The following CSMD1 variants were observed in gnomAD, a reference collection of about 807,000 sequenced individuals.
The protein encoded by CSMD1 is CUB and sushi domain-containing protein 1.
Under a neutral mutation model 417.5 loss-of-function variants are expected in CSMD1, and 213 were observed. The observed-to-expected ratio is 0.51, with a 90% CI of 0.46 to 0.57. CSMD1 has a LOEUF of 0.57. Among genes scored for constraint, CSMD1 ranks in the 20% least tolerant of loss-of-function variants. The pLI, the probability that CSMD1 is intolerant of heterozygous loss-of-function variation, is 0.00. For synonymous variants in CSMD1, 2,862 were observed against 1,736.8 expected, an observed-to-expected ratio of 1.65 and a Z score of -16.11; for missense variants, 6,923 against 4,529.7, an observed-to-expected ratio of 1.53 and a Z score of -15.17.
At chr8:3,728,790 T>C (rs1048651446) in intron 6 of CSMD1, among the ~76,000 whole-genome samples, 1 of 152,220 alleles carries the variant, frequency 6.6e-6, no homozygotes, top group Admixed American at 6.5e-5. Context: ...AATATGAGGT[T>C]TATTCAGCAC....
rs567392539 is a variant in CSMD1 at position 4,008,746 on chromosome 8, G to C, written c.611-10636C>G. Among the ~76,000 whole-genome samples, 3 of 151,574 alleles carry C rather than the reference G, an allele frequency of 2.0e-5. No homozygotes were observed. The East Asian group carries it at 5.9e-4, about 30-fold the overall frequency. On this transcript the variant is annotated intron_variant, in intron 4 of 69. Transcript: ENST00000635120. ...CTGCCTCAGCCTCCTGAGTAGCTGGGAATACAGGCATCCGGCACCACGCCT... is the reference window on the plus strand; with the variant it reads ...CTGCCTCAGCCTCCTGAGTAGCTGGCAATACAGGCATCCGGCACCACGCCT...
intron 31 of CSMD1, 26 bp downstream of exon 31, chr8:3,205,478 A>T (rs775331881): frequency 1.8e-6 from 2 of 1,110,626 alleles, no homozygotes; most frequent in African/African-American, 1.5e-5. Flanking sequence ...TATGACAATG[A>T]ATTAAAAATA....
intron 23 of CSMD1, among the ~76,000 whole-genome samples, chr8:3,322,167 A>T (rs924497381): frequency 6.6e-6 from 1 of 152,212 alleles, no homozygotes; most frequent in Non-Finnish European, 1.5e-5. Flanking sequence ...TGATAAATGA[A>T]CTGACAAATA....
chr8:3,445,582 C>T (rs892027402), intron 12 of CSMD1, among the ~76,000 whole-genome samples: 4 of 152,198 alleles, frequency 2.6e-5, no homozygotes, highest in African/African-American at 7.2e-5. Flanking sequence ...GATGATGAAT[C>T]AGTGCATCAC....
intron 1 of CSMD1, among the ~76,000 whole-genome samples, chr8:4,710,385 A>G (rs1393543798): frequency 6.7e-6 from 1 of 148,346 alleles, no homozygotes; most frequent in Non-Finnish European, 1.5e-5. Flanking sequence ...GAAGTAAATA[A>G]AAATATATTA....
chr8:4,559,083 A>C (rs1169614037), intron 2 of CSMD1, among the ~76,000 whole-genome samples: 1 of 152,128 alleles, frequency 6.6e-6, no homozygotes, highest in Non-Finnish European at 1.5e-5. Context: ...GAACAGTGAA[A>C]ACTCTGCTGC....
chr8:3,983,967 G>T (rs898115002), intron 5 of CSMD1, among the ~76,000 whole-genome samples: 1 of 152,214 alleles, frequency 6.6e-6, no homozygotes, highest in Non-Finnish European at 1.5e-5. Flanking sequence ...GATCTGATGG[G>T]GCTGTCAATT....
chr8:3,164,907 T>G (rs543063557), intron 37 of CSMD1, among the ~76,000 whole-genome samples: 7 of 152,242 alleles, frequency 4.6e-5, no homozygotes, highest in African/African-American at 1.7e-4. Flanking sequence ...TTATTACATA[T>G]TGATTTATTG....
intron 1 of CSMD1, among the ~76,000 whole-genome samples, chr8:4,990,304 C>T (rs1262519654): frequency 2.6e-5 from 4 of 151,840 alleles, no homozygotes; most frequent in African/African-American, 4.8e-5. Context: ...CCTGATAATG[C>T]AACAGGAAAA....
intron 21 of CSMD1, among the ~76,000 whole-genome samples, chr8:3,350,182 C>G (rs1256038133): frequency 8.6e-6 from 1 of 116,014 alleles, no homozygotes; most frequent in East Asian, 2.4e-4. Context: ...CCTATAATAA[C>G]CTATAACTTG....
intron 1 of CSMD1, among the ~76,000 whole-genome samples, chr8:4,855,514 G>C (rs1801745778): frequency 6.6e-6 from 1 of 151,980 alleles, no homozygotes; most frequent in African/African-American, 2.4e-5. Flanking sequence ...TGAAAACTTT[G>C]AAAAAAATTT....
At chr8:3,502,425 G>A (rs991769580) in intron 10 of CSMD1, among the ~76,000 whole-genome samples, 4 of 150,004 alleles carry the variant, frequency 2.7e-5, no homozygotes, top group Non-Finnish European at 5.9e-5. Flanking sequence ...TACGTTTATA[G>A]CAACTTTATT....
At chr8:3,721,364 G>A (rs186191926) in intron 6 of CSMD1, among the ~76,000 whole-genome samples, 1 of 152,120 alleles carries the variant, frequency 6.6e-6, no homozygotes, top group East Asian at 1.9e-4. Context: ...AGATGAAAGT[G>A]AATCATCAAC....
chr8:3,886,179 AG>A (rs1806550757), intron 5 of CSMD1, among the ~76,000 whole-genome samples: 1 of 152,026 alleles, frequency 6.6e-6, no homozygotes, highest in Admixed American at 6.6e-5. Flanking sequence ...CCTCTTGAGT[AG>A]GTGGGATTAC....
intron 3 of CSMD1, among the ~76,000 whole-genome samples, chr8:4,155,703 C>T (rs950465838): frequency 6.6e-6 from 1 of 152,100 alleles, no homozygotes; most frequent in African/African-American, 2.4e-5. Context: ...CAACAGTGTT[C>T]TACTTCGTCA....
At chr8:3,703,083 TA>T (rs1216155036) in intron 7 of CSMD1, among the ~76,000 whole-genome samples, 2 of 152,212 alleles carry the variant, frequency 1.3e-5, no homozygotes, top group Admixed American at 1.3e-4. Flanking sequence ...ATATTTAAGA[TA>T]TTAATGACTA....
rs568888197 is a variant in CSMD1 at position 4,598,880 on chromosome 8, AAAGAATGACTTTTTTCCTAGAGTCAGTG to A, written c.302+38434_302+38461del. On this transcript the variant is annotated intron_variant, in intron 2 of 69. Transcript: ENST00000635120. ...CTACTTTTACTTTTGTAGAAGAAAA[AAAGAATGACTTTTTTCCTAGAGTCAGTG>A]AAGATCTTCAAAAAAACAATAATTT... is the stretch of plus-strand genomic sequence containing the variant. Among the ~76,000 whole-genome samples, 327 of 152,328 alleles carry A rather than the reference AAAGAATGACTTTTTTCCTAGAGTCAGTG, an allele frequency of 2.1e-3. 1 individual carries two copies. Among genetic ancestry groups the A allele is most frequent in the Non-Finnish European group, 3.6e-3 (244 of 68,024 alleles).
At chr8:3,745,432 A>G (rs1222160872) in intron 6 of CSMD1, among the ~76,000 whole-genome samples, 4 of 152,226 alleles carry the variant, frequency 2.6e-5, no homozygotes, top group Non-Finnish European at 4.4e-5. Flanking sequence ...AAGGTCTTAC[A>G]AACAGGTGAG....
At chr8:3,394,962 T>C (rs570628145) in intron 17 of CSMD1, among the ~76,000 whole-genome samples, 27 of 152,276 alleles carry the variant, frequency 1.8e-4, no homozygotes, top group Admixed American at 2.0e-4. Flanking sequence ...AAGATATACA[T>C]GCATATGCAC....
Sources: allele counts gnomAD v4.1 joint callset (sites outside exome capture counted in the v4.1 genomes callset), GRCh38; gene constraint gnomAD v4.1.1; transcripts MANE v1.5; gene names NCBI Gene and HGNC (gene_info 2026-07-23, HGNC 2026-07-21).